NAV1: variants seen among roughly 807,000 people sequenced by gnomAD.
NAV1 encodes pore membrane and/or filament interacting like protein 3.
Under a neutral mutation model 175.2 loss-of-function variants are expected in NAV1, and 18 were observed. The observed-to-expected ratio is 0.10, with a 90% CI of 0.07 to 0.15. The LOEUF (loss-of-function observed/expected upper bound fraction) is 0.15. Ranked by LOEUF, NAV1 falls within the 10% of genes least tolerant of loss-of-function variation. NAV1 has a pLI of 1.00. For synonymous variants in NAV1, 897 were observed against 978.7 expected (o/e 0.92, Z 1.56); for missense variants, 1,731 against 2,436.6 (o/e 0.71, Z 6.10).
At position 201,810,198 on chromosome 1, in the gene NAV1, C is replaced by A; in HGVS notation, c.4561+93C>A. Reference sequence around the variant, plus strand: ...ATCATGCATTCATTCACCAAGAACTCACTGAGAAGGTATAATATGAAGATG... The same window carrying A: ...ATCATGCATTCATTCACCAAGAACTAACTGAGAAGGTATAATATGAAGATG... On this transcript the variant is annotated intron_variant, in intron 23 of 29. Transcript: ENST00000367296. This position sits in a 1 kb window ranked among gnomAD's most constrained non-coding sequence, Gnocchi z 6.0. 6.7e-7 allele frequency: 1 copy of A among 1,486,812 alleles called. No individual in the cohort carries two copies. Among genetic ancestry groups the A allele is most frequent in the Non-Finnish European group, 9.2e-7 (1 of 1,088,568 alleles). 92.1% of individuals were successfully genotyped at this position (1,486,812 alleles called of 1,614,324 possible).
intron 3 of NAV1, chr1:201,724,087 A>G (rs1672503822): frequency 6.6e-6 from 1 of 152,182 alleles, no homozygotes; most frequent in Non-Finnish European, 1.5e-5. Context: ...TGGCACCTAG[A>G]CTGATCACCC....
At chr1:201,545,642 C>A (rs1214186879) in intron 1 of NAV1, among the ~76,000 whole-genome samples, 1 of 152,176 alleles carries the variant, frequency 6.6e-6, no homozygotes, top group African/African-American at 2.4e-5. Flanking sequence ...TTGAAGGTGT[C>A]ATGTCCAGAG....
intron 1 of NAV1, among the ~76,000 whole-genome samples, chr1:201,628,903 C>G (rs1014849385): frequency 6.6e-6 from 1 of 152,184 alleles, no homozygotes; most frequent in African/African-American, 2.4e-5. Flanking sequence ...CTCCTTCTTT[C>G]CTGACCTACA....
upstream of NAV1, chr1:201,622,924 C>T (rs926037143): frequency 1.0e-6 from 1 of 986,412 alleles, no homozygotes; most frequent in Non-Finnish European, 1.2e-6. Flanking sequence ...CAGCCGCCCT[C>T]ACTACGCCTC....
intron 1 of NAV1, among the ~76,000 whole-genome samples, chr1:201,583,946 C>T: frequency 6.6e-6 from 1 of 152,200 alleles, no homozygotes; most frequent in East Asian, 1.9e-4. Flanking sequence ...AAGTCACTTA[C>T]TCTCTCTGTA....
chr1:201,819,758 TTTG>T (rs1366621399), intron 29 of NAV1, 76 bp from the exon 34 acceptor site: 25 of 1,295,404 alleles, frequency 1.9e-5, no homozygotes, highest in South Asian at 2.4e-5. Context: ...GTGTTGGGAT[TTTG>T]TTGTTGTTGT....
intron 7 of NAV1, among the ~76,000 whole-genome samples, chr1:201,785,100 A>G (rs1173620163): frequency 6.6e-6 from 1 of 152,212 alleles, no homozygotes; most frequent in East Asian, 1.9e-4. Flanking sequence ...CAGAGAAATA[A>G]CATTTAATAT....
chr1:201,582,914 G>T (rs1378064388), intron 1 of NAV1, among the ~76,000 whole-genome samples: 1 of 152,242 alleles, frequency 6.6e-6, no homozygotes, highest in African/African-American at 2.4e-5. Flanking sequence ...CTCCTTCTGA[G>T]ATCCAATCAC....
At chr1:201,713,053 A>C (rs1671979020) in intron 2 of NAV1, 134 bp downstream of exon 6, 1 of 631,716 alleles carries the variant, frequency 1.6e-6, no homozygotes, top group African/African-American at 1.8e-5. Flanking sequence ...GAGCCACTGC[A>C]GAAGGAGGAG....
Position 201,812,448 on chromosome 1 carries a change from C to T in NAV1, c.5025-17C>T. ...CCATTGCCACTCTGACCCCACTTTC[C>T]CCATCCTTGGTGGCAGGATGTTGAC... On this transcript the variant is annotated splice_polypyrimidine_tract_variant and intron_variant, in intron 26 of 29. Transcript: ENST00000367296. This position sits in a 1 kb window ranked among gnomAD's most constrained non-coding sequence, Gnocchi z 4.6. 1 of 1,613,446 alleles carries T rather than the reference C, an allele frequency of 6.2e-7. No homozygotes were observed. The highest frequency in any genetic ancestry group is 1.1e-5 in the South Asian group (1 of 91,020).
chr1:201,790,082 T>C (rs911094753), intron 11 of NAV1, among the ~76,000 whole-genome samples: 1 of 152,212 alleles, frequency 6.6e-6, no homozygotes, highest in African/African-American at 2.4e-5. Flanking sequence ...AAGCCCTTTC[T>C]GTGCCATGGT....
chr1:201,756,219 T>G (rs1465373551), intron 3 of NAV1, among the ~76,000 whole-genome samples: 3 of 151,878 alleles, frequency 2.0e-5, no homozygotes, highest in African/African-American at 7.3e-5. Context: ...AGTAACAGAC[T>G]GAAAATTGGG....
At chr1:201,826,760 G>C (rs1340191202) in exon 30 of NAV1, 1 of 152,180 alleles carries the variant, frequency 6.6e-6, no homozygotes, top group Non-Finnish European at 1.5e-5. Flanking sequence ...ATCATGAAGA[G>C]AGAGCCGGGC....
At chr1:201,594,153 G>A (rs987868147) in intron 2 of NAV1, among the ~76,000 whole-genome samples, 8 of 151,568 alleles carry the variant, frequency 5.3e-5, no homozygotes, top group African/African-American at 1.7e-4. Flanking sequence ...AAGGGGACCC[G>A]AGCGGGTTGC....
At chr1:201,671,999 C>T (rs944238815) in intron 1 of NAV1, among the ~76,000 whole-genome samples, 33 of 152,222 alleles carry the variant, frequency 2.2e-4, no homozygotes, top group Non-Finnish European at 4.4e-4. Flanking sequence ...ACTCTATCAG[C>T]AGTGTCCCGT....
chr1:201,804,435 ATTCT>A (rs1678143829), intron 16 of NAV1, 50 bp from the exon 21 acceptor site: 2 of 1,509,144 alleles, frequency 1.3e-6, no homozygotes, highest in Admixed American at 2.1e-5. Flanking sequence ...TTAAGTGTTG[ATTCT>A]TTTTTTTTTT....
At chr1:201,802,547 G>A (rs1419981551) in intron 15 of NAV1, among the ~76,000 whole-genome samples, 1 of 151,466 alleles carries the variant, frequency 6.6e-6, no homozygotes, top group Non-Finnish European at 1.5e-5. Flanking sequence ...TTGGGAGGCT[G>A]AGGTGGGTGG....
intron 2 of NAV1, among the ~76,000 whole-genome samples, chr1:201,634,816 T>G (rs1182158950): frequency 1.3e-5 from 2 of 152,166 alleles, no homozygotes; most frequent in Non-Finnish European, 2.9e-5. Context: ...CCTCCCACTC[T>G]AAAAGGTGTG....
At chr1:201,786,767 A>G (rs1173998398) in intron 9 of NAV1, among the ~76,000 whole-genome samples, 190 bp downstream of exon 13, 1 of 152,192 alleles carries the variant, frequency 6.6e-6, no homozygotes, top group Admixed American at 6.5e-5. Context: ...CTAAACTGAA[A>G]AGTTGCCCCT....
Sources: gnomAD v4.1 joint callset for allele counts (sites outside exome capture counted in the v4.1 genomes callset) on GRCh38, gnomAD v4.1.1 for gene constraint, Gnocchi (gnomAD v3.1) non-coding constraint, MANE v1.5 for transcripts, NCBI Gene and HGNC (gene_info 2026-07-23, HGNC 2026-07-21) for gene names.